Variants in ASTN1 observed in about 807,000 individuals in gnomAD.
ASTN1 encodes the protein astrotactin-1.
A neutral mutation model predicts 140.7 loss-of-function variants in ASTN1; 41 were observed. That is an observed-to-expected ratio of 0.29 (90% CI 0.23 to 0.38). ASTN1 has a LOEUF of 0.38. Ranked by LOEUF, ASTN1 falls within the 10% of genes least tolerant of loss-of-function variation. The probability of loss-of-function intolerance (pLI) is 1.00; values close to 1 mark genes in which losing one functional copy is unlikely to be tolerated. For missense variants in ASTN1, 1,479 were observed against 1,678.8 expected (o/e 0.88, Z 2.08); for synonymous variants, 640 against 652.2 (o/e 0.98, Z 0.29).
chr1:176,890,873 A>C (rs1199002699), intron 17 of ASTN1, among the ~76,000 whole-genome samples: 1 of 152,000 alleles, frequency 6.6e-6, no homozygotes, highest in Non-Finnish European at 1.5e-5. Flanking sequence ...TAAAACTACA[A>C]AAAGTAAGCT....
chr1:176,981,640 G>T (rs1673625911), intron 8 of ASTN1: 1 of 152,492 alleles, frequency 6.6e-6, no homozygotes, highest in South Asian at 2.1e-4. Context: ...AGCTCCAAGT[G>T]ATATTGAGGG....
intron 20 of ASTN1, among the ~76,000 whole-genome samples, chr1:176,882,014 C>T (rs1191507582): frequency 2.6e-5 from 4 of 152,162 alleles, no homozygotes; most frequent in Non-Finnish European, 4.4e-5. Context: ...GCCTTAGCAC[C>T]CAAATTTTTC....
intron 14 of ASTN1, among the ~76,000 whole-genome samples, 186 bp from the exon 15 acceptor site, chr1:176,936,556 C>T (rs1379563504): frequency 2.0e-5 from 3 of 152,164 alleles, no homozygotes; most frequent in Admixed American, 2.0e-4. Context: ...TTACTCCATG[C>T]CAGGCATTTT....
At chr1:176,888,632 C>G (rs1016095025) in intron 17 of ASTN1, among the ~76,000 whole-genome samples, 2 of 152,222 alleles carry the variant, frequency 1.3e-5, no homozygotes, top group African/African-American at 4.8e-5. Context: ...CCTTATCTAC[C>G]TGCCCCAGTA....
chr1:176,940,857 C>T (rs1055981628), intron 14 of ASTN1, among the ~76,000 whole-genome samples: 2 of 152,158 alleles, frequency 1.3e-5, no homozygotes, highest in Admixed American at 1.3e-4. Context: ...TAAATAGACT[C>T]GGGAATTGCT....
In ASTN1 at chr1:176,863,492, C is replaced by G; in HGVS notation, c.*792G>C. On this transcript the variant is annotated 3_prime_UTR_variant, in exon 23 of 23. Coordinates refer to ENST00000361833, the MANE Select transcript of ASTN1 (RefSeq NM_004319.3). ...CTCCAAGTCTCCTCTTGAATGTGGA[C>G]TGCTAACTAGTCTCCCAGGTAGACT... 1 of 985,586 alleles carries G rather than the reference C, an allele frequency of 1.0e-6. No individual in the cohort carries two copies. Among genetic ancestry groups the G allele is most frequent in the Non-Finnish European group, 1.2e-6 (1 of 829,928 alleles). The allele number at this position is 985,586 out of a possible 1,614,324, so 61.1% of individuals were successfully genotyped here.
At chr1:177,060,933 C>T (rs1170983715) in intron 2 of ASTN1, 145 bp downstream of exon 2, 17 of 862,416 alleles carry the variant, frequency 2.0e-5, no homozygotes, top group Non-Finnish European at 2.6e-5. Flanking sequence ...GGATGCATTT[C>T]CCACAAATGG....
intron 7 of ASTN1, 121 bp from the exon 8 acceptor site, chr1:177,014,996 G>GGAACTTACTGTCTCATTC: frequency 1.2e-6 from 1 of 846,620 alleles, no homozygotes; most frequent in Non-Finnish European, 1.9e-6. Context: ...TAGCATGAAT[G>GGAACTTACTGTCTCATTC]AGACAGTAAG....
At chr1:177,023,655 C>T in intron 6 of ASTN1, 84 bp from the exon 7 acceptor site, 3 of 1,377,834 alleles carry the variant, frequency 2.2e-6, no homozygotes, top group Middle Eastern at 2.7e-4. Flanking sequence ...AAATCCCAAC[C>T]TGAGAATTAG....
At chr1:176,959,779 G>A (rs569123268) in intron 9 of ASTN1, among the ~76,000 whole-genome samples, 1 of 152,206 alleles carries the variant, frequency 6.6e-6, no homozygotes, top group Admixed American at 6.5e-5. Flanking sequence ...CCTGACTCTT[G>A]GGCACCTACT....
chr1:176,975,405 C>T (rs1673322836), intron 8 of ASTN1, among the ~76,000 whole-genome samples: 1 of 152,232 alleles, frequency 6.6e-6, no homozygotes, highest in Non-Finnish European at 1.5e-5. Context: ...TTCTCCCACA[C>T]CTTGCTCTGC....
At chr1:177,119,038 T>C (rs1304049588) in intron 1 of ASTN1, among the ~76,000 whole-genome samples, 1 of 152,236 alleles carries the variant, frequency 6.6e-6, no homozygotes, top group African/African-American at 2.4e-5. Context: ...AGTTCTTGAA[T>C]GTCATCTTCA....
At chr1:176,964,354 G>C (rs1672785290) in intron 9 of ASTN1, among the ~76,000 whole-genome samples, 1 of 152,122 alleles carries the variant, frequency 6.6e-6, no homozygotes, top group African/African-American at 2.4e-5. Flanking sequence ...ACTCAAGGAG[G>C]GACATGTATT....
chr1:177,146,081 A>T lies in ASTN1; in HGVS notation c.283+18313T>A, dbSNP rs114334502. 4.2e-3 allele frequency among the ~76,000 whole-genome samples: 644 copies of T among 152,308 alleles called. 2 individuals carry two copies. Among genetic ancestry groups the T allele is most frequent in the Non-Finnish European group, 7.4e-3 (501 of 68,038 alleles). On this transcript the variant is annotated intron_variant, in intron 1 of 22. Coordinates refer to ENST00000361833, the MANE Select transcript of ASTN1 (RefSeq NM_004319.3). ...AATAAGAAACCCACTGCACGTTAAC[A>T]TAAGCCATATATTTTATTAAAAAAA...
At chr1:177,027,467 C>A (rs926290669) in intron 5 of ASTN1, among the ~76,000 whole-genome samples, 2 of 151,330 alleles carry the variant, frequency 1.3e-5, no homozygotes, top group Admixed American at 1.3e-4. Context: ...TTACACCCCA[C>A]TGAGGCAAGC....
At chr1:177,061,319 T>A (rs1014669256) in intron 1 of ASTN1, 54 bp from the exon 2 acceptor site, 4 of 1,410,798 alleles carry the variant, frequency 2.8e-6, no homozygotes, top group Admixed American at 2.7e-5. Flanking sequence ...ACCAAGTTTT[T>A]CATCTTCTTC....
At chr1:176,943,801 C>A (rs188875968) in intron 14 of ASTN1, 90 bp downstream of exon 14, 3 of 1,436,542 alleles carry the variant, frequency 2.1e-6, no homozygotes, top group South Asian at 1.6e-5. Flanking sequence ...GCTTAGAAAC[C>A]AAAATAAGTG....
At position 176,863,886 on chromosome 1, in the gene ASTN1, C is replaced by A; in HGVS notation, c.*398G>T. On this transcript the variant is annotated 3_prime_UTR_variant, in exon 23 of 23. Coordinates refer to ENST00000361833, the MANE Select transcript of ASTN1 (RefSeq NM_004319.3). The stretch of plus-strand genomic sequence containing the variant: ...ACAACTTTCTGGCCTCACCTCTGCT[C>A]CCAGTTGCAATGGATTTAGGAACTG... 1 of 1,014,212 alleles carries A rather than the reference C, an allele frequency of 9.9e-7. No homozygotes were observed. The highest frequency in any genetic ancestry group is 1.2e-6 in the Non-Finnish European group (1 of 846,402). The allele number at this position is 1,014,212 out of a possible 1,614,324, so 62.8% of individuals were successfully genotyped here.
chr1:177,128,786 G>T (rs999840082), intron 1 of ASTN1, among the ~76,000 whole-genome samples: 1 of 152,246 alleles, frequency 6.6e-6, no homozygotes, highest in East Asian at 1.9e-4. Flanking sequence ...TGGAGAAGTC[G>T]GTAGAATTAG....
Sources: allele counts gnomAD v4.1 joint callset (sites outside exome capture counted in the v4.1 genomes callset), GRCh38; gene constraint gnomAD v4.1.1; transcripts MANE v1.5; gene names NCBI Gene and HGNC (gene_info 2026-07-23, HGNC 2026-07-21).